Variants in ESRRB observed in about 807,000 individuals in gnomAD.
The protein encoded by ESRRB is estrogen related receptor beta.
ESRRB carries 16 observed loss-of-function variants against 46.0 expected under a neutral mutation model. That is an observed-to-expected ratio of 0.35 (90% CI 0.24 to 0.53). The LOEUF (loss-of-function observed/expected upper bound fraction) is 0.53. Among genes scored for constraint, ESRRB ranks in the 20% least tolerant of loss-of-function variants. The pLI is 0.93. For missense variants in ESRRB, 488 were observed against 607.4 expected (o/e 0.80, Z 2.07); for synonymous variants, 246 against 259.6 (o/e 0.95, Z 0.50).
At chr14:76,468,601 G>A (rs967292454) in intron 3 of ESRRB, among the ~76,000 whole-genome samples, 2 of 152,026 alleles carry the variant, frequency 1.3e-5, no homozygotes, top group African/African-American at 4.8e-5. Context: ...ATAACGGTAC[G>A]GTGGTCACGT....
intron 1 of ESRRB, among the ~76,000 whole-genome samples, chr14:76,358,328 AAAGAAAGAAAGAAAGAAAGAAAGAAAG>A (rs1566859616): frequency 0.017 from 667 of 38,312 alleles, 92 homozygotes; most frequent in East Asian, 0.035. Flanking sequence ...AAAAAAAAAG[AAAGAAAGAAAGAAAGAAAGAAAGAAAG>A]AAAGAAAGAA....
At chr14:76,453,603 T>A (rs1888485329) in intron 2 of ESRRB, among the ~76,000 whole-genome samples, 1 of 150,970 alleles carries the variant, frequency 6.6e-6, no homozygotes, top group Admixed American at 6.6e-5. Context: ...AGCTCTTTTT[T>A]TTTTTTTTTT....
chr14:76,453,102 T>C (rs1012141199), intron 2 of ESRRB, among the ~76,000 whole-genome samples: 3 of 152,228 alleles, frequency 2.0e-5, no homozygotes, highest in Non-Finnish European at 4.4e-5. Context: ...ATTTAGCCTT[T>C]CAGGTGAGCT....
chr14:76,404,782 A>G (rs8011523), intron 1 of ESRRB, among the ~76,000 whole-genome samples: 33,008 of 152,180 alleles, frequency 0.22, 3,758 homozygotes, highest in South Asian at 0.3. Flanking sequence ...TTTTTTGGCC[A>G]CTGAGGTCCT....
chr14:76,351,170 C>T (rs1024387570), intron 1 of ESRRB, among the ~76,000 whole-genome samples: 29 of 152,174 alleles, frequency 1.9e-4, no homozygotes, highest in Non-Finnish European at 3.8e-4. Flanking sequence ...ACACCATCCC[C>T]ATGAATGGAA....
intron 1 of ESRRB, among the ~76,000 whole-genome samples, chr14:76,328,247 G>T (rs1394808187): frequency 6.6e-6 from 1 of 152,210 alleles, no homozygotes; most frequent in Non-Finnish European, 1.5e-5. Flanking sequence ...CTGCAGAGTT[G>T]CTGGGACACT....
At chr14:76,354,022 C>T (rs1884345481) in intron 1 of ESRRB, among the ~76,000 whole-genome samples, 1 of 152,074 alleles carries the variant, frequency 6.6e-6, no homozygotes, top group African/African-American at 2.4e-5. Flanking sequence ...GGGTTTGAAC[C>T]CTAGCAGCCT....
At chr14:76,367,988 T>C (rs1445302649), upstream of ESRRB, among the ~76,000 whole-genome samples, 1 of 144,990 alleles carries the variant, frequency 6.9e-6, no homozygotes, top group Non-Finnish European at 1.5e-5. Flanking sequence ...AGTCTCGCTC[T>C]GTCACCCAGC....
At chr14:76,406,147 G>A (rs1886175372) in intron 1 of ESRRB, among the ~76,000 whole-genome samples, 1 of 152,208 alleles carries the variant, frequency 6.6e-6, no homozygotes, top group Non-Finnish European at 1.5e-5. Context: ...AAGGCCAGAA[G>A]CTCTGTGCCT....
Position 76,500,236 on chromosome 14 carries a change from C to A in ESRRB, c.*1778C>A. On this transcript the variant is annotated 3_prime_UTR_variant, in exon 7 of 7. Coordinates refer to ENST00000644823, the MANE Select transcript of ESRRB (RefSeq NM_001379180.1). ...AGAGCAGCTCTCTGATGGTGTCCCACACAGAAAATGTTAAGGATTTCAAGA... is the reference window on the plus strand; with the variant it reads ...AGAGCAGCTCTCTGATGGTGTCCCAAACAGAAAATGTTAAGGATTTCAAGA... 1 of 622,708 alleles carries A rather than the reference C, an allele frequency of 1.6e-6. No individual in the cohort carries two copies. The highest frequency in any genetic ancestry group is 2.0e-5 in the South Asian group (1 of 50,040). The allele number at this position is 622,708 out of a possible 1,614,324, so 38.6% of individuals were successfully genotyped here.
intron 1 of ESRRB, among the ~76,000 whole-genome samples, chr14:76,355,326 A>G (rs897103047): frequency 6.6e-6 from 1 of 152,070 alleles, no homozygotes; most frequent in Admixed American, 6.5e-5. Context: ...GCAGACTTTT[A>G]CCACGCCCTT....
chr14:76,435,404 A>G (rs1398342515), intron 1 of ESRRB, among the ~76,000 whole-genome samples: 1 of 152,238 alleles, frequency 6.6e-6, no homozygotes, highest in East Asian at 1.9e-4. Flanking sequence ...CTATGAAAGT[A>G]TGAGCGTCTT....
At chr14:76,484,616 C>A (rs1227592171) in intron 5 of ESRRB, among the ~76,000 whole-genome samples, 1 of 152,210 alleles carries the variant, frequency 6.6e-6, no homozygotes, top group African/African-American at 2.4e-5. Context: ...CAACCCCACC[C>A]CTGCAACACC....
At chr14:76,331,029 C>CTGTCCTTGCTCACACTGGAACTTGGGGG (rs1884007196) in intron 1 of ESRRB, among the ~76,000 whole-genome samples, 1 of 152,114 alleles carries the variant, frequency 6.6e-6, no homozygotes, top group Non-Finnish European at 1.5e-5. Context: ...TGGGGACAGC[C>CTGTCCTTGCTCACACTGGAACTTGGGGG]TGTCCTTGCT....
intron 1 of ESRRB, among the ~76,000 whole-genome samples, chr14:76,377,933 G>A (rs1393039449): frequency 6.6e-6 from 1 of 152,134 alleles, no homozygotes; most frequent in African/African-American, 2.4e-5. Flanking sequence ...GCGCTGGTCT[G>A]GGAGAGGAAT....
chr14:76,370,865 A>C (rs115234765), upstream of ESRRB, among the ~76,000 whole-genome samples: 1,234 of 152,358 alleles, frequency 8.1e-3, 20 homozygotes, highest in African/African-American at 0.028. Context: ...GAAAGAATCT[A>C]TGGTAAAGAG....
chr14:76,354,055 C>A (rs572266082), intron 1 of ESRRB, among the ~76,000 whole-genome samples: 1 of 152,162 alleles, frequency 6.6e-6, no homozygotes, highest in Non-Finnish European at 1.5e-5. Context: ...ATGTCAGCCC[C>A]GCTGGGTCCT....
Position 76,376,450 on chromosome 14 carries a change from C to A in ESRRB, c.49C>A (p.Gln17Lys). ...CCCGGACCCCCTCGGCTACCACAAC[C>A]AGTAGGTGCCCTGCTTCTCGGTCTG... The part of the protein sequence containing the change: ...CIPDPLGYHN[Q>K]LLNRMSSDDR... Residue 17 changes from glutamine (Q) to lysine (K), a missense_variant and splice_region_variant, in exon 1 of 7, where the codon CAG becomes AAG. Coordinates refer to ENST00000644823, the MANE Select transcript of ESRRB (RefSeq NM_001379180.1). The surrounding 1 kb of genome is among the most constrained non-coding windows in gnomAD (Gnocchi z 4.1). 1 of 1,231,692 alleles carries A rather than the reference C, an allele frequency of 8.1e-7. No individual in the cohort carries two copies. The highest frequency in any genetic ancestry group is 1.0e-6 in the Non-Finnish European group (1 of 987,948). The allele number at this position is 1,231,692 out of a possible 1,614,324, so 76.3% of individuals were successfully genotyped here.
intron 1 of ESRRB, among the ~76,000 whole-genome samples, chr14:76,355,258 T>C (rs748084013): frequency 2.6e-5 from 4 of 152,186 alleles, no homozygotes; most frequent in Non-Finnish European, 4.4e-5. Flanking sequence ...CTGGGGATGC[T>C]GCTCTATAGG....
Sources: gnomAD v4.1 joint callset for allele counts (sites outside exome capture counted in the v4.1 genomes callset) on GRCh38, gnomAD v4.1.1 for gene constraint, Gnocchi (gnomAD v3.1) non-coding constraint, MANE v1.5 for transcripts, NCBI Gene and HGNC (gene_info 2026-07-23, HGNC 2026-07-21) for gene names.